COL4A5: variants seen among roughly 807,000 people sequenced by gnomAD.
The protein encoded by COL4A5 is collagen alpha-5(IV) chain.
Under a neutral mutation model 130.2 loss-of-function variants are expected in COL4A5, and 26 were observed. The observed-to-expected ratio is 0.20, with a 90% CI of 0.15 to 0.28. The LOEUF is 0.28. COL4A5 is among the 10% of genes least tolerant of loss of function. The pLI is 1.00. For missense variants in COL4A5, 1,131 were observed against 1,344.3 expected (o/e 0.84, Z 2.48); for synonymous variants, 496 against 439.6 (o/e 1.13, Z -1.60).
chrX:108,441,125 A>T (rs1182104974), intron 1 of COL4A5, among the ~76,000 whole-genome samples: 1 of 107,512 alleles, frequency 9.3e-6, no homozygotes, highest in African/African-American at 3.7e-5. Flanking sequence ...CCACTGTCCT[A>T]TTGGGGATGA....
intron 1 of COL4A5, among the ~76,000 whole-genome samples, chrX:108,532,796 G>A: frequency 9.0e-6 from 1 of 111,259 alleles, no homozygotes; most frequent in African/African-American, 3.3e-5. Flanking sequence ...ATTTACATTT[G>A]GTAAAATAAG....
Position 108,575,895 on chromosome X carries a change from C to T in COL4A5, c.547-15C>T, listed in dbSNP as rs1428184711. 2 of 1,124,542 alleles carry T rather than the reference C, an allele frequency of 1.8e-6. No individual in the cohort carries two copies. Among genetic ancestry groups the T allele is most frequent in the Non-Finnish European group, 2.4e-6 (2 of 822,235 alleles). The allele number at this position is 1,124,542 out of a possible 1,213,427, so 92.7% of individuals were successfully genotyped here. A position where few individuals can be genotyped will look rare whatever the true frequency, so the allele number is the denominator to read the frequency against. Reference sequence around the variant, plus strand: ...TTCTTTTTTTTCATCATTTTCTTTACTCACTTTATAACAGGGCCTACCTGG... The same window carrying T: ...TTCTTTTTTTTCATCATTTTCTTTATTCACTTTATAACAGGGCCTACCTGG... On this transcript the variant is annotated splice_polypyrimidine_tract_variant and intron_variant, in intron 9 of 52. Transcript: ENST00000328300.
intron 1 of COL4A5, among the ~76,000 whole-genome samples, chrX:108,481,702 A>G (rs1169866198): frequency 3.6e-5 from 4 of 111,163 alleles, no homozygotes; most frequent in Admixed American, 9.5e-5. Flanking sequence ...CTGCCACCTC[A>G]GGATCCAATT....
At chrX:108,637,280 C>T (rs752636893) in intron 36 of COL4A5, among the ~76,000 whole-genome samples, 16 of 110,694 alleles carry the variant, frequency 1.4e-4, no homozygotes, top group Non-Finnish European at 2.8e-4. Flanking sequence ...CATACCAAAA[C>T]GTACAGGATG....
At chrX:108,545,472 A>C (rs2065631685) in intron 2 of COL4A5, among the ~76,000 whole-genome samples, 1 of 111,315 alleles carries the variant, frequency 9.0e-6, no homozygotes, top group East Asian at 2.8e-4. Context: ...GGTCTGAGAG[A>C]CAGTTTGTTA....
chrX:108,443,350 A>G (rs773427317), intron 1 of COL4A5, among the ~76,000 whole-genome samples: 16 of 112,033 alleles, frequency 1.4e-4, no homozygotes, highest in Non-Finnish European at 1.1e-4. Flanking sequence ...TTTGTGACAG[A>G]TGATTTGTTT....
intron 36 of COL4A5, among the ~76,000 whole-genome samples, chrX:108,652,941 G>A (rs1186895753): frequency 3.6e-5 from 4 of 111,683 alleles, no homozygotes; most frequent in East Asian, 2.8e-4. Context: ...CTGTGTGTCC[G>A]AGTCATTCAA....
At position 108,602,871 on chromosome X, in the gene COL4A5, C is replaced by T. The variant is rs765375350; in HGVS notation, c.2147-93C>T. ...TGCTTTTGACATCTTACTGTTGTCA[C>T]TAAGCATGAGTAGAATGTGGGTTTG... On this transcript the variant is annotated intron_variant, in intron 27 of 52. Coordinates refer to ENST00000328300, the MANE Select transcript of COL4A5 (RefSeq NM_033380.3). 119 of 615,911 alleles carry T rather than the reference C, an allele frequency of 1.9e-4. 1 individual carries two copies. The highest frequency in any genetic ancestry group is 2.1e-4 in the Non-Finnish European group (80 of 373,647). The allele number at this position is 615,911 out of a possible 1,213,427, so 50.8% of individuals were successfully genotyped here.
intron 43 of COL4A5, 78 bp from the exon 44 acceptor site, chrX:108,677,418 ATGAC>A: frequency 1.0e-6 from 1 of 968,679 alleles, no homozygotes; most frequent in Non-Finnish European, 1.4e-6. Context: ...TAATAGGAAG[ATGAC>A]TGATATTTTA....
At chrX:108,486,929 C>CTTGT (rs961129443) in intron 1 of COL4A5, among the ~76,000 whole-genome samples, 2 of 111,904 alleles carry the variant, frequency 1.8e-5, no homozygotes, top group African/African-American at 6.5e-5. Context: ...TTTGTTTTTG[C>CTTGT]TTGTTTGTTT....
intron 31 of COL4A5, among the ~76,000 whole-genome samples, chrX:108,621,154 C>T (rs868148319): frequency 1.7e-4 from 13 of 76,070 alleles, no homozygotes; most frequent in African/African-American, 8.3e-4. Flanking sequence ...TCCTTCCTTC[C>T]TTCTTTTTTT....
At chrX:108,472,736 T>TTCCTTAGATTCC (rs1161356228) in intron 1 of COL4A5, among the ~76,000 whole-genome samples, 1 of 111,980 alleles carries the variant, frequency 8.9e-6, no homozygotes, top group Non-Finnish European at 1.9e-5. Context: ...GAACCTCTTG[T>TTCCTTAGATTCC]TGAAAGAATC....
At chrX:108,482,732 C>T (rs773430051) in intron 1 of COL4A5, among the ~76,000 whole-genome samples, 2 of 111,664 alleles carry the variant, frequency 1.8e-5, no homozygotes, top group South Asian at 7.7e-4. Flanking sequence ...AGCTCTTTCT[C>T]TACAAGGGCG....
intron 36 of COL4A5, among the ~76,000 whole-genome samples, chrX:108,649,785 G>T (rs139421248): frequency 0.021 from 2,348 of 111,673 alleles, 31 homozygotes; most frequent in Middle Eastern, 0.069. Flanking sequence ...TTAAATCTAA[G>T]ACCTGAAACT....
chrX:108,625,077 A>G (rs920850335), intron 34 of COL4A5, among the ~76,000 whole-genome samples: 21 of 111,709 alleles, frequency 1.9e-4, no homozygotes, highest in African/African-American at 6.9e-4. Context: ...GTCATTGTAA[A>G]GGAAAAAAAT....
rs546072234 is a variant in COL4A5, at chrX:108,481,217, G to T, written c.81+41011G>T. ...GTCCCCTGGAATCAACATCAGCTCAGAGCCAGTGTCCAGTAGTCCCCGAAA... is the reference window on the plus strand; with the variant it reads ...GTCCCCTGGAATCAACATCAGCTCATAGCCAGTGTCCAGTAGTCCCCGAAA... On this transcript the variant is annotated intron_variant, in intron 1 of 52. Transcript: ENST00000328300. Among the ~76,000 whole-genome samples the T allele has an allele frequency of 2.7e-4, 30 of 111,025 alleles. No individual in the cohort carries two copies. In the South Asian group the frequency reaches 0.011, roughly 42 times the overall value.
At chrX:108,539,416 G>A (rs1328465756) in intron 1 of COL4A5, among the ~76,000 whole-genome samples, 1 of 111,807 alleles carries the variant, frequency 8.9e-6, no homozygotes, top group Non-Finnish European at 1.9e-5. Flanking sequence ...ATGGGTTTTT[G>A]TTGTTGTAAG....
chrX:108,619,370 G>A (rs1335142911), intron 30 of COL4A5, among the ~76,000 whole-genome samples: 3 of 111,777 alleles, frequency 2.7e-5, no homozygotes. Flanking sequence ...AATTGGTTAT[G>A]GCATAATCCC....
chrX:108,485,115 C>T (rs921257465), intron 1 of COL4A5, among the ~76,000 whole-genome samples: 2 of 111,828 alleles, frequency 1.8e-5, no homozygotes, highest in Admixed American at 9.4e-5. Flanking sequence ...GCCAGGCTAC[C>T]ATCTATGTTC....
Sources: allele counts gnomAD v4.1 joint callset (sites outside exome capture counted in the v4.1 genomes callset), GRCh38; gene constraint gnomAD v4.1.1; transcripts MANE v1.5; gene names NCBI Gene and HGNC (gene_info 2026-07-23, HGNC 2026-07-21).